RGPD5: variants seen among roughly 807,000 people sequenced by gnomAD.
RGPD5 encodes RANBP2 like and GRIP domain containing 5, also known as RANBP2-like and GRIP domain-containing protein 5/6.
the RGPD5 span, among the ~76,000 whole-genome samples, chr2:109,764,138 T>G: frequency 6.7e-6 from 1 of 149,836 alleles, no homozygotes; most frequent in East Asian, 2.0e-4. Flanking sequence ...TGGCCCTAAT[T>G]TCCACCTCTA....
chr2:109,776,956 T>TTA, the RGPD5 span, among the ~76,000 whole-genome samples: 1 of 32,608 alleles, frequency 3.1e-5, no homozygotes, highest in African/African-American at 9.3e-5. Flanking sequence ...TCTTAGGATT[T>TTA]TATATATATA....
At chr2:109,782,144 C>T in the RGPD5 span, among the ~76,000 whole-genome samples, 1 of 7,014 alleles carries the variant, frequency 1.4e-4, no homozygotes, top group African/African-American at 1.6e-4. Context: ...TTTTTTGAGA[C>T]GGAGTTTTGC....
chr2:109,762,350 C>T, the RGPD5 span, among the ~76,000 whole-genome samples: 20 of 150,312 alleles, frequency 1.3e-4, 6 homozygotes, highest in East Asian at 3.2e-3. Context: ...TGGTTTCTGG[C>T]GCAAATTCAA....
At chr2:109,766,823 C>G in the RGPD5 span, among the ~76,000 whole-genome samples, 2 of 149,882 alleles carry the variant, frequency 1.3e-5, no homozygotes, top group Non-Finnish European at 2.9e-5. Flanking sequence ...GGGAATAAAG[C>G]CTTGGTGGCA....
the RGPD5 span, among the ~76,000 whole-genome samples, chr2:109,774,524 A>ATATAT: frequency 1.1e-5 from 1 of 90,634 alleles, no homozygotes; most frequent in Non-Finnish European, 1.9e-5. Context: ...AATATATATT[A>ATATAT]TATATATTAT....
chr2:109,766,408 G>A, the RGPD5 span, among the ~76,000 whole-genome samples: 2 of 150,546 alleles, frequency 1.3e-5, no homozygotes, highest in African/African-American at 4.9e-5. Flanking sequence ...AGAACTTGGG[G>A]ACTCCAGCTG....
the RGPD5 span, among the ~76,000 whole-genome samples, chr2:109,778,460 T>A: frequency 8.0e-5 from 12 of 150,040 alleles, no homozygotes; most frequent in Non-Finnish European, 1.6e-4. Flanking sequence ...CAAAGGTGAT[T>A]TTCTTGTTAA....
the RGPD5 span, among the ~76,000 whole-genome samples, chr2:109,763,142 T>C: frequency 1.3e-5 from 2 of 150,060 alleles, no homozygotes; most frequent in African/African-American, 2.4e-5. Context: ...TTCCATTTTA[T>C]AGATGAGGAA....
chr2:109,778,420 G>A, the RGPD5 span, among the ~76,000 whole-genome samples: 3 of 149,514 alleles, frequency 2.0e-5, no homozygotes, highest in East Asian at 2.0e-4. Context: ...TTGTTTCTCC[G>A]TATAAATCTT....
the RGPD5 span, among the ~76,000 whole-genome samples, chr2:109,768,660 A>G: frequency 7.7e-6 from 1 of 129,726 alleles, no homozygotes; most frequent in Non-Finnish European, 1.7e-5. Context: ...AAGCCCTTTC[A>G]AAATTTGCAT....
the RGPD5 span, among the ~76,000 whole-genome samples, chr2:109,764,251 T>C: frequency 1.3e-5 from 2 of 148,936 alleles, no homozygotes; most frequent in African/African-American, 2.5e-5. Flanking sequence ...TGTAGAGTCT[T>C]GAAGAGTTGG....
the RGPD5 span, among the ~76,000 whole-genome samples, chr2:109,774,514 A>AT: frequency 3.1e-5 from 2 of 65,074 alleles, no homozygotes; most frequent in South Asian, 5.1e-4. Context: ...ATATATATAT[A>AT]ATATATATTA....
the RGPD5 span, among the ~76,000 whole-genome samples, chr2:109,771,363 T>C: frequency 0.012 from 1,016 of 84,406 alleles, 205 homozygotes; most frequent in Non-Finnish European, 0.017. Flanking sequence ...ATAAAGTCCG[T>C]TCTGCCTGAG....
At chr2:109,760,888 G>C in the RGPD5 span, among the ~76,000 whole-genome samples, 3 of 133,710 alleles carry the variant, frequency 2.2e-5, no homozygotes, top group Non-Finnish European at 3.2e-5. Context: ...TGGGGGTGGG[G>C]TGGGTCGGGG....
At chr2:109,761,462 C>T in the RGPD5 span, among the ~76,000 whole-genome samples, 1 of 149,274 alleles carries the variant, frequency 6.7e-6, no homozygotes, top group Admixed American at 6.8e-5. Flanking sequence ...CCCCAGGTAT[C>T]CCTTTGTGCC....
At chr2:109,778,690 TTC>T in the RGPD5 span, among the ~76,000 whole-genome samples, 3 of 139,822 alleles carry the variant, frequency 2.1e-5, no homozygotes, top group African/African-American at 5.4e-5. Context: ...TTTTTTTCTT[TTC>T]TCTCTCTCTC....
At chr2:109,771,509 A>G in the RGPD5 span, among the ~76,000 whole-genome samples, 2 of 87,880 alleles carry the variant, frequency 2.3e-5, 1 homozygote, top group Non-Finnish European at 4.1e-5. Context: ...GGACTCTCTT[A>G]TTTGTGTTCC....
At chr2:109,764,572 CAAG>C in the RGPD5 span, among the ~76,000 whole-genome samples, 1 of 149,346 alleles carries the variant, frequency 6.7e-6, no homozygotes, top group South Asian at 2.2e-4. Flanking sequence ...GAAATTAAGA[CAAG>C]AACACACATG....
the RGPD5 span, among the ~76,000 whole-genome samples, chr2:109,772,987 G>A: frequency 6.6e-5 from 10 of 151,730 alleles, no homozygotes; most frequent in Non-Finnish European, 1.3e-4. Context: ...AGTGGGGAAA[G>A]AGGAACCCTT....
Sources: gnomAD v4.1 joint callset for allele counts (sites outside exome capture counted in the v4.1 genomes callset) on GRCh38, gnomAD v4.1.1 for gene constraint, MANE v1.5 for transcripts, NCBI Gene and HGNC (gene_info 2026-07-23, HGNC 2026-07-21) for gene names.